DNAL1: variants seen among roughly 807,000 people sequenced by gnomAD.
DNAL1 encodes chromosome 14 open reading frame 168.
Under a neutral mutation model 29.4 loss-of-function variants are expected in DNAL1, and 17 were observed. The observed-to-expected ratio is 0.58, with a 90% CI of 0.40 to 0.87. The LOEUF (loss-of-function observed/expected upper bound fraction) is 0.87. Ranked by LOEUF, DNAL1 falls within the 40% of genes least tolerant of loss-of-function variation. The probability of loss-of-function intolerance (pLI) is 0.00; values close to 1 mark genes in which losing one functional copy is unlikely to be tolerated. For synonymous variants in DNAL1, 78 were observed against 76.3 expected, an observed-to-expected ratio of 1.02 and a Z score of -0.12; for missense variants, 188 against 214.1, an observed-to-expected ratio of 0.88 and a Z score of 0.76.
chr14:73,693,926 C>T (rs1220150636), intron 7 of DNAL1, among the ~76,000 whole-genome samples: 1 of 151,838 alleles, frequency 6.6e-6, no homozygotes, highest in Admixed American at 6.6e-5. Flanking sequence ...GTATGTTGCG[C>T]GTCAACAAAA....
At chr14:73,646,689 G>C (rs764308053) in intron 1 of DNAL1, among the ~76,000 whole-genome samples, 1 of 152,180 alleles carries the variant, frequency 6.6e-6, no homozygotes, top group South Asian at 2.1e-4. Flanking sequence ...TTGAACCTGG[G>C]AGGTGGAGGT....
chr14:73,677,562 A>T (rs6574135), intron 5 of DNAL1, among the ~76,000 whole-genome samples: 122,128 of 148,538 alleles, frequency 0.82, 50,829 homozygotes, highest in East Asian at 0.94. Flanking sequence ...TTATTTATTT[A>T]TTTATTTTTT....
intron 5 of DNAL1, among the ~76,000 whole-genome samples, chr14:73,685,769 G>C (rs1348348557): frequency 6.6e-6 from 1 of 151,964 alleles, no homozygotes; most frequent in Non-Finnish European, 1.5e-5. Context: ...GCCCATTCCT[G>C]CTTAATGTTA....
At chr14:73,687,987 TAAAAATA>T (rs969823738) in intron 6 of DNAL1, among the ~76,000 whole-genome samples, 14 of 146,880 alleles carry the variant, frequency 9.5e-5, no homozygotes, top group African/African-American at 1.8e-4. Flanking sequence ...TAAAGTATAA[TAAAAATA>T]AAAAATAAAA....
intron 2 of DNAL1, among the ~76,000 whole-genome samples, chr14:73,657,776 G>A (rs1401253436): frequency 6.6e-6 from 1 of 152,114 alleles, no homozygotes; most frequent in Non-Finnish European, 1.5e-5. Context: ...TGTATTTTTA[G>A]TAGAGGCAGT....
At chr14:73,654,770 A>C in intron 1 of DNAL1, 77 bp from the exon 2 acceptor site, 1 of 1,289,320 alleles carries the variant, frequency 7.8e-7, no homozygotes, top group Non-Finnish European at 1.0e-6. Flanking sequence ...AAATAAATAC[A>C]TACATACATA....
chr14:73,664,730 G>A (rs749506067), intron 4 of DNAL1, among the ~76,000 whole-genome samples: 2 of 151,954 alleles, frequency 1.3e-5, no homozygotes, highest in African/African-American at 2.4e-5. Flanking sequence ...AATTATCTGG[G>A]CATGGTGGTG....
chr14:73,658,226 T>A (rs1205121489), intron 2 of DNAL1, among the ~76,000 whole-genome samples: 1 of 152,242 alleles, frequency 6.6e-6, no homozygotes, highest in Admixed American at 6.5e-5. Flanking sequence ...TACATGGACT[T>A]ATTTCTGGAT....
chr14:73,667,544 G>C (rs564726312), intron 4 of DNAL1, among the ~76,000 whole-genome samples: 4 of 152,238 alleles, frequency 2.6e-5, no homozygotes, highest in African/African-American at 9.6e-5. Context: ...TGTCACCCAG[G>C]CTGGAGTGCA....
chr14:73,690,791 AG>A (rs1396056564), intron 7 of DNAL1, among the ~76,000 whole-genome samples: 1 of 152,190 alleles, frequency 6.6e-6, no homozygotes, highest in Non-Finnish European at 1.5e-5. Context: ...AAAGAAAGTT[AG>A]GCTTATTCTC....
At chr14:73,675,108 G>A (rs969040734) in intron 5 of DNAL1, among the ~76,000 whole-genome samples, 6 of 151,748 alleles carry the variant, frequency 4.0e-5, no homozygotes, top group African/African-American at 9.7e-5. Flanking sequence ...GAGCCACCAC[G>A]CCTGGCTGAG....
chr14:73,677,864 TTATATA>T (rs35545274), intron 5 of DNAL1, among the ~76,000 whole-genome samples: 1 of 130,822 alleles, frequency 7.6e-6, no homozygotes, highest in Non-Finnish European at 1.6e-5. Flanking sequence ...GCCCATATAT[TTATATA>T]TATATATATA....
chr14:73,699,937 A>C lies in DNAL1; in HGVS notation c.*3995A>C, dbSNP rs1404160498. ...TGTAAAATTTGATAATCTTGTAGGA[A>C]AGTTAGCTGATGTAGACATCAATTT... On this transcript the variant is annotated 3_prime_UTR_variant, in exon 8 of 8. Coordinates refer to ENST00000553645, the MANE Select transcript of DNAL1 (RefSeq NM_031427.4). The C allele has an allele frequency of 6.6e-6, 1 of 152,252 alleles. No homozygotes were observed. The highest frequency in any genetic ancestry group is 1.5e-5 in the Non-Finnish European group (1 of 68,046). 9.4% of individuals were successfully genotyped at this position (152,252 alleles called of 1,614,324 possible). A position where few individuals can be genotyped will look rare whatever the true frequency, so the allele number is the denominator to read the frequency against.
At chr14:73,670,971 C>T (rs1029649340) in intron 4 of DNAL1, among the ~76,000 whole-genome samples, 5 of 151,866 alleles carry the variant, frequency 3.3e-5, no homozygotes, top group East Asian at 1.9e-4. Context: ...CTCCTGACCT[C>T]GTGATCCGCC....
intron 5 of DNAL1, among the ~76,000 whole-genome samples, chr14:73,683,223 CTA>C (rs1222174817): frequency 2.6e-5 from 4 of 152,056 alleles, no homozygotes; most frequent in Non-Finnish European, 5.9e-5. Context: ...TCTTAAATAA[CTA>C]TAAAAAGTAT....
At chr14:73,650,287 C>G (rs774161562) in intron 1 of DNAL1, among the ~76,000 whole-genome samples, 1 of 152,154 alleles carries the variant, frequency 6.6e-6, no homozygotes, top group Non-Finnish European at 1.5e-5. Context: ...CTGCACCTGG[C>G]CATTGTTTTT....
chr14:73,676,782 C>T (rs768506373), intron 5 of DNAL1, among the ~76,000 whole-genome samples: 1 of 151,640 alleles, frequency 6.6e-6, no homozygotes, highest in Non-Finnish European at 1.5e-5. Context: ...CAGTTATTTG[C>T]GTATTTACAT....
chr14:73,661,168 A>G (rs973529732), intron 3 of DNAL1, among the ~76,000 whole-genome samples: 2 of 150,700 alleles, frequency 1.3e-5, no homozygotes, highest in African/African-American at 2.5e-5. Flanking sequence ...TGTCTAAAAA[A>G]AAAATATATA....
chr14:73,645,708 G>A (rs1890962143), intron 1 of DNAL1, among the ~76,000 whole-genome samples: 1 of 152,308 alleles, frequency 6.6e-6, no homozygotes, highest in Admixed American at 6.5e-5. Flanking sequence ...CCACCACACT[G>A]AGAAATGCTG....
Sources: gnomAD v4.1 joint callset for allele counts (sites outside exome capture counted in the v4.1 genomes callset) on GRCh38, gnomAD v4.1.1 for gene constraint, MANE v1.5 for transcripts, NCBI Gene and HGNC (gene_info 2026-07-23, HGNC 2026-07-21) for gene names.